The following KRABD3 variants were observed in gnomAD, a reference collection of about 807,000 sequenced individuals.
The protein encoded by KRABD3 is KRAB domain containing 3, also known as KRAB domain-containing protein 3.
the KRABD3 span, among the ~76,000 whole-genome samples, chr7:149,731,483 C>T: frequency 2.6e-5 from 4 of 152,202 alleles, no homozygotes; most frequent in Non-Finnish European, 4.4e-5. Flanking sequence ...GGCAGGAACA[C>T]CACACACACA....
the KRABD3 span, chr7:149,720,158 C>T: frequency 6.5e-7 from 1 of 1,550,374 alleles, no homozygotes; most frequent in Non-Finnish European, 8.7e-7. Context: ...TGGGTGTCTC[C>T]TCCCACTCAT....
chr7:149,731,920 C>T, the KRABD3 span: 2 of 608,872 alleles, frequency 3.3e-6, no homozygotes, highest in Non-Finnish European at 5.9e-6. Flanking sequence ...TATTTCCTTT[C>T]AGTGTTTTAT....
the KRABD3 span, chr7:149,729,323 A>G: frequency 6.3e-7 from 1 of 1,596,334 alleles, no homozygotes; most frequent in Non-Finnish European, 8.5e-7. Flanking sequence ...CGGGGGTTCA[A>G]AGACCCTGGG....
chr7:149,719,563 GGACTTGGCCGT>G, the KRABD3 span: 1 of 1,594,904 alleles, frequency 6.3e-7, no homozygotes, highest in Non-Finnish European at 8.5e-7. The surrounding 1 kb of genome is among the most constrained non-coding windows in gnomAD (Gnocchi z 5.6). Context: ...TCACCTTCAA[GGACTTGGCCGT>G]GCGGTTCTCG....
At chr7:149,715,128 A>G in the KRABD3 span, 2 of 1,230,684 alleles carry the variant, frequency 1.6e-6, no homozygotes, top group East Asian at 6.3e-5. Flanking sequence ...GTAGGGCGAG[A>G]AAGAGCTGGG....
the KRABD3 span, chr7:149,722,712 G>C: frequency 1.3e-6 from 2 of 1,532,352 alleles, no homozygotes; most frequent in Non-Finnish European, 1.8e-6. Flanking sequence ...CCGGAGACCT[G>C]AATGCCTGCC....
the KRABD3 span, chr7:149,723,043 G>A: frequency 3.4e-6 from 4 of 1,165,568 alleles, no homozygotes; most frequent in Non-Finnish European, 3.5e-6. Flanking sequence ...GTCTCCCTTA[G>A]GGATCGTTAC....
chr7:149,720,169 CGGTCCT>C, the KRABD3 span: 1 of 1,548,380 alleles, frequency 6.5e-7, no homozygotes, highest in Non-Finnish European at 8.7e-7. Context: ...TCCCACTCAT[CGGTCCT>C]CAGCCCCAGG....
chr7:149,715,124 C>G, the KRABD3 span: 1 of 1,230,784 alleles, frequency 8.1e-7, no homozygotes, highest in South Asian at 4.1e-5. Flanking sequence ...GGCGGTAGGG[C>G]GAGAAAGAGC....
chr7:149,721,652 T>C, the KRABD3 span: 9 of 1,154,646 alleles, frequency 7.8e-6, no homozygotes, highest in African/African-American at 1.5e-5. Context: ...GTTCCCCTGT[T>C]GTGCTGTTCT....
chr7:149,734,040 C>T, the KRABD3 span: 17 of 1,601,826 alleles, frequency 1.1e-5, no homozygotes, highest in African/African-American at 4.0e-5. Context: ...AGATGGGGGG[C>T]GCATTGATGG....
At chr7:149,716,163 C>G in the KRABD3 span, among the ~76,000 whole-genome samples, 1 of 152,090 alleles carries the variant, frequency 6.6e-6, no homozygotes, top group African/African-American at 2.4e-5. Context: ...TCAGGGAGCC[C>G]GAGCCTGAGG....
chr7:149,731,751 T>C, the KRABD3 span: 2 of 1,611,902 alleles, frequency 1.2e-6, no homozygotes, highest in Non-Finnish European at 1.7e-6. Flanking sequence ...GCCTGGAGCT[T>C]GGACATGGAA....
the KRABD3 span, chr7:149,720,838 GACAGCCCCGGCACAGCCTGCACCTC>G: frequency 1.3e-6 from 2 of 1,585,664 alleles, no homozygotes; most frequent in Non-Finnish European, 1.7e-6. Flanking sequence ...TCTGCAGGGG[GACAGCCCCGGCACAGCCTGCACCTC>G]ACAGCCCTGG....
the KRABD3 span, chr7:149,730,111 G>T: frequency 6.8e-7 from 1 of 1,461,232 alleles, no homozygotes; most frequent in Non-Finnish European, 9.1e-7. Context: ...GCTCTCTTCA[G>T]GCTGATGACA....
the KRABD3 span, among the ~76,000 whole-genome samples, chr7:149,732,157 C>G: frequency 3.9e-5 from 6 of 152,164 alleles, no homozygotes; most frequent in African/African-American, 1.4e-4. The surrounding 1 kb of genome is among the most constrained non-coding windows in gnomAD (Gnocchi z 4.0). Context: ...ACCTAGTGCC[C>G]TGGGTCACTT....
chr7:149,715,763 G>T, the KRABD3 span, among the ~76,000 whole-genome samples: 2,263 of 152,288 alleles, frequency 0.015, 68 homozygotes, highest in African/African-American at 0.051. Context: ...GGCCCTTGGC[G>T]TCATTAGTGC....
chr7:149,730,854 A>G, the KRABD3 span: 1 of 457,612 alleles, frequency 2.2e-6, no homozygotes, highest in Non-Finnish European at 3.9e-6. Context: ...ACAGATGTGG[A>G]TGTATTTATA....
the KRABD3 span, chr7:149,721,365 C>T: frequency 3.8e-5 from 59 of 1,572,744 alleles, no homozygotes; most frequent in Non-Finnish European, 4.6e-5. Context: ...GTTGATTCTC[C>T]CTCTTTCCCG....
Sources: gnomAD v4.1 joint callset for allele counts (sites outside exome capture counted in the v4.1 genomes callset) on GRCh38, gnomAD v4.1.1 for gene constraint, Gnocchi (gnomAD v3.1) non-coding constraint, MANE v1.5 for transcripts, NCBI Gene and HGNC (gene_info 2026-07-23, HGNC 2026-07-21) for gene names.